The following LARP4B variants were observed in gnomAD, a reference collection of about 807,000 sequenced individuals.
The protein encoded by LARP4B is La ribonucleoprotein 4B, also known as la-related protein 4B.
A neutral mutation model predicts 89.8 loss-of-function variants in LARP4B; 12 were observed. That is an observed-to-expected ratio of 0.13 (90% CI 0.09 to 0.22). The LOEUF is 0.22. Ranked by LOEUF, LARP4B falls within the 10% of genes least tolerant of loss-of-function variation. LARP4B has a pLI of 1.00. For missense variants in LARP4B, 757 were observed against 947.7 expected, an observed-to-expected ratio of 0.80 and a Z score of 2.64; for synonymous variants, 367 against 363.3, an observed-to-expected ratio of 1.01 and a Z score of -0.12.
intron 3 of LARP4B, among the ~76,000 whole-genome samples, chr10:881,417 C>G (rs12763396): frequency 6.6e-6 from 1 of 152,068 alleles, no homozygotes; most frequent in African/African-American, 2.4e-5. Flanking sequence ...AAGGTCACAA[C>G]TGACCCCTCG....
At position 912,935 on chromosome 10, in the gene LARP4B, C is replaced by A. The variant is rs116478280; in HGVS notation, c.-40+18493G>T. ...TGAACCTCTTTATAAAAGAAACTGACATCTGTAAGGGCATCTCCCTTCCTG... is the reference window on the plus strand; with the variant it reads ...TGAACCTCTTTATAAAAGAAACTGAAATCTGTAAGGGCATCTCCCTTCCTG... On this transcript the variant is annotated intron_variant, in intron 1 of 17. Transcript: ENST00000316157. Among the ~76,000 whole-genome samples, 430 of 152,264 alleles carry A rather than the reference C, an allele frequency of 2.8e-3. 2 individuals carry two copies. Among genetic ancestry groups the A allele is most frequent in the African/African-American group, 8.6e-3 (356 of 41,552 alleles).
At chr10:854,826 ACTT>A (rs1834222204) in intron 5 of LARP4B, among the ~76,000 whole-genome samples, 4 of 152,134 alleles carry the variant, frequency 2.6e-5, no homozygotes, top group African/African-American at 9.7e-5. Flanking sequence ...ACCAGGATTA[ACTT>A]CTTCTCTTTA....
intron 3 of LARP4B, among the ~76,000 whole-genome samples, chr10:882,701 T>C (rs1436319455): frequency 6.6e-6 from 1 of 152,234 alleles, no homozygotes; most frequent in East Asian, 1.9e-4. Context: ...CTCAGTAAGC[T>C]TTTTGGAGAG....
intron 1 of LARP4B, among the ~76,000 whole-genome samples, chr10:901,139 A>ACTCCTGAC (rs1836333524): frequency 6.7e-6 from 1 of 148,970 alleles, no homozygotes; most frequent in Admixed American, 6.7e-5. Flanking sequence ...CTGGTTTCGA[A>ACTCCTGAC]CTCCTGACCT....
chr10:973,383 G>C, the LARP4B span, among the ~76,000 whole-genome samples: 5 of 151,546 alleles, frequency 3.3e-5, no homozygotes, highest in Admixed American at 2.0e-4. Flanking sequence ...ACGGAGTCTT[G>C]CTCTGTCACC....
chr10:824,220 C>A (rs911800609), intron 13 of LARP4B, among the ~76,000 whole-genome samples: 5 of 152,172 alleles, frequency 3.3e-5, no homozygotes, highest in African/African-American at 1.2e-4. Flanking sequence ...TGGGCAGGTG[C>A]GGTGGCTCAT....
rs1830610388 is a variant in LARP4B at position 931,511 on chromosome 10, G to A, written c.-123C>T. On this transcript the variant is annotated 5_prime_UTR_variant, in exon 1 of 18. Transcript: ENST00000316157. ...GGGCCCGGCGGCCGCGCCACACGCG[G>A]GGACGGCGAGGAGAGAGACGGCAGG... The A allele has an allele frequency of 6.7e-6, 1 of 149,896 alleles. No individual in the cohort carries two copies. Among genetic ancestry groups the A allele is most frequent in the African/African-American group, 2.4e-5 (1 of 40,950 alleles). 9.3% of individuals were successfully genotyped at this position (149,896 alleles called of 1,614,324 possible).
chr10:867,676 C>T (rs1254041473), intron 3 of LARP4B, among the ~76,000 whole-genome samples: 1 of 151,918 alleles, frequency 6.6e-6, no homozygotes, highest in Non-Finnish European at 1.5e-5. Flanking sequence ...GCCTGGCCAA[C>T]ATGGTGAAAC....
intron 13 of LARP4B, among the ~76,000 whole-genome samples, chr10:823,407 G>C (rs1311627616): frequency 1.3e-5 from 2 of 152,200 alleles, no homozygotes; most frequent in Non-Finnish European, 2.9e-5. Context: ...GGAAGTTCAA[G>C]TATTGTTGAA....
At chr10:938,378 G>A in the LARP4B span, among the ~76,000 whole-genome samples, 6 of 151,904 alleles carry the variant, frequency 3.9e-5, no homozygotes, top group African/African-American at 1.5e-4. Flanking sequence ...AGCCTCCCGA[G>A]TAGCTGGGAC....
At chr10:884,805 A>T (rs1017195272) in intron 2 of LARP4B, among the ~76,000 whole-genome samples, 21 of 152,220 alleles carry the variant, frequency 1.4e-4, no homozygotes, top group African/African-American at 4.1e-4. Context: ...AAATGAACAA[A>T]AGTAGTCAAA....
chr10:969,401 G>C, the LARP4B span, among the ~76,000 whole-genome samples: 1 of 152,186 alleles, frequency 6.6e-6, no homozygotes, highest in Non-Finnish European at 1.5e-5. Context: ...GAAGAATGTA[G>C]TGGTAGGGTA....
At chr10:927,241 T>C (rs1429324172) in intron 1 of LARP4B, among the ~76,000 whole-genome samples, 1 of 151,884 alleles carries the variant, frequency 6.6e-6, no homozygotes, top group African/African-American at 2.4e-5. Flanking sequence ...AGACAGAGTT[T>C]ATAAAGGCAT....
intron 1 of LARP4B, among the ~76,000 whole-genome samples, chr10:893,715 C>T (rs1361019394): frequency 6.6e-6 from 1 of 152,280 alleles, no homozygotes. Context: ...TACCATGAAG[C>T]AGGAAGCCAT....
intron 5 of LARP4B, among the ~76,000 whole-genome samples, chr10:845,454 C>A (rs892562880): frequency 6.6e-6 from 1 of 152,040 alleles, no homozygotes; most frequent in African/African-American, 2.4e-5. Flanking sequence ...CAAAGATAAC[C>A]AGCAAAAAAC....
intron 1 of LARP4B, among the ~76,000 whole-genome samples, chr10:917,624 T>A (rs61830957): frequency 0.094 from 14,327 of 152,260 alleles, 828 homozygotes; most frequent in East Asian, 0.18. Flanking sequence ...AAAACAATCT[T>A]ACTTTCTGAC....
chr10:924,317 T>C (rs1050640107), intron 1 of LARP4B: 6 of 152,188 alleles, frequency 3.9e-5, no homozygotes, highest in African/African-American at 1.4e-4. Flanking sequence ...CTGGTCTCAT[T>C]TAGACTGGGG....
intron 1 of LARP4B, among the ~76,000 whole-genome samples, chr10:924,842 CA>C (rs755371589): frequency 3.3e-5 from 5 of 152,220 alleles, no homozygotes; most frequent in Non-Finnish European, 5.9e-5. Context: ...CAAGAGATGG[CA>C]ATCTATCCCT....
At chr10:900,778 C>G (rs1445452826) in intron 1 of LARP4B, among the ~76,000 whole-genome samples, 28 of 150,858 alleles carry the variant, frequency 1.9e-4, no homozygotes, top group Admixed American at 1.3e-3. Context: ...CGCCACCACG[C>G]TTGGCTAATT....
Sources: allele counts gnomAD v4.1 joint callset (sites outside exome capture counted in the v4.1 genomes callset), GRCh38; gene constraint gnomAD v4.1.1; transcripts MANE v1.5; gene names NCBI Gene and HGNC (gene_info 2026-07-23, HGNC 2026-07-21).